Variants in YTHDF1 observed in about 807,000 individuals in gnomAD.
The protein encoded by YTHDF1 is YTH N6-methyladenosine RNA binding protein F1.
A neutral mutation model predicts 49.1 loss-of-function variants in YTHDF1; 16 were observed. The ratio of observed to expected loss-of-function variants is 0.33; its 90% confidence interval spans 0.22 to 0.49. The LOEUF (loss-of-function observed/expected upper bound fraction) is 0.49, where lower values mean the gene tolerates loss of function less well. Ranked by LOEUF, YTHDF1 falls within the 20% of genes least tolerant of loss-of-function variation. The pLI is 0.99. For missense variants in YTHDF1, 621 were observed against 744.3 expected (o/e 0.83, Z 1.93); for synonymous variants, 313 against 290.1 (o/e 1.08, Z -0.80).
chr20:63,214,711 A>C (rs1295400307), intron 2 of YTHDF1, among the ~76,000 whole-genome samples: 2 of 152,226 alleles, frequency 1.3e-5, no homozygotes, highest in East Asian at 3.8e-4. Flanking sequence ...CAATCAGATA[A>C]GCATTTATCT....
chr20:63,211,114 A>ACACCGGAAC (rs11472791), intron 3 of YTHDF1, among the ~76,000 whole-genome samples: 1 of 151,392 alleles, frequency 6.6e-6, no homozygotes, highest in Admixed American at 6.6e-5. Context: ...TTCACACAAA[A>ACACCGGAAC]CACGGTAGCC....
At chr20:63,200,590 T>C (rs1292084791) in intron 4 of YTHDF1, among the ~76,000 whole-genome samples, 3 of 152,146 alleles carry the variant, frequency 2.0e-5, no homozygotes, top group Non-Finnish European at 2.9e-5. Flanking sequence ...GGATCTTGCC[T>C]GCAGGCAGAT....
rs531938190 is a variant in YTHDF1 at position 63,204,542 on chromosome 20, C to A, written c.133-735G>T. 2.6e-5 allele frequency among the ~76,000 whole-genome samples: 4 copies of A among 152,352 alleles called. No homozygotes were observed. The East Asian group carries it at 7.7e-4, about 29-fold the overall frequency. On this transcript the variant is annotated intron_variant, in intron 3 of 4. Coordinates refer to ENST00000370339, the MANE Select transcript of YTHDF1 (RefSeq NM_017798.4). ...CACAGAGGGCCCTGGCTGGCTCCAG[C>A]TCCTCAGCCAAGAGAAAGCATCCGA...
At chr20:63,201,092 A>C (rs2122974235) in intron 4 of YTHDF1, among the ~76,000 whole-genome samples, 1 of 152,282 alleles carries the variant, frequency 6.6e-6, no homozygotes, top group South Asian at 2.1e-4. Flanking sequence ...ACTAATTCAG[A>C]ATTCAGTAAC....
At position 63,202,883 on chromosome 20, in the gene YTHDF1, T is replaced by C; in HGVS notation, c.1057A>G (p.Asn353Asp). 6.2e-7 allele frequency: 1 copy of C among 1,613,916 alleles called. No homozygotes were observed. Among genetic ancestry groups the C allele is most frequent in the Non-Finnish European group, 8.5e-7 (1 of 1,180,038 alleles). ...GAGSDSNSPG[N>D]VQPNSAPSVE... ...CTGGGGGCAGAATTAGGCTGGACGTTTCCAGGAGAGTTGCTATCGCTGCCA... is the reference window on the plus strand; with the variant it reads ...CTGGGGGCAGAATTAGGCTGGACGTCTCCAGGAGAGTTGCTATCGCTGCCA... The change falls in exon 4 of 5, where the codon AAC (asparagine) becomes GAC (aspartate). Residue 353 changes from asparagine to aspartate, a missense_variant. Around this residue, in one of 2 missense-constraint regions of YTHDF1, gnomAD observed 470 missense variants for 495.8 expected, o/e 0.95. Coordinates refer to ENST00000370339, the MANE Select transcript of YTHDF1 (RefSeq NM_017798.4).
chr20:63,205,800 C>T (rs2066543172), intron 3 of YTHDF1, among the ~76,000 whole-genome samples: 1 of 152,184 alleles, frequency 6.6e-6, no homozygotes, highest in African/African-American at 2.4e-5. Context: ...TGAGCCACAG[C>T]GCCTGGCCCC....
chr20:63,202,943 T>C lies in YTHDF1; in HGVS notation c.997A>G (p.Asn333Asp). ...PPQTRWVAPR[N>D]RNAAFGQSGG... is the part of the protein sequence containing the mutation. ...CTCTGCCCAAACGCCGCGTTTCTGT[T>C]GCGTGGGGCAACCCAGCGGGTCTGG... The change falls in exon 4 of 5, where the codon AAC (asparagine) becomes GAC (aspartate). Residue 333 changes from asparagine (N) to aspartate (D), a missense_variant. This residue lies in a region of YTHDF1 where 470 missense variants were observed against 495.8 expected (regional missense o/e 0.95). Coordinates refer to ENST00000370339, the MANE Select transcript of YTHDF1 (RefSeq NM_017798.4). 1 of 1,614,038 alleles carries C rather than the reference T, an allele frequency of 6.2e-7. No individual in the cohort carries two copies. The highest frequency in any genetic ancestry group is 8.5e-7 in the Non-Finnish European group (1 of 1,180,054).
rs767375656 is a variant in YTHDF1, at chr20:63,215,566, A to T, written c.52+11T>A. ...TCCAGCCCGCGCCGGCCGTCCCGGGACTCCGCTCACCTTTATTATCTTGTC... is the reference window on the plus strand; with the variant it reads ...TCCAGCCCGCGCCGGCCGTCCCGGGTCTCCGCTCACCTTTATTATCTTGTC... On this transcript the variant is annotated intron_variant, in intron 2 of 4. Transcript: ENST00000370339. The T allele has an allele frequency of 6.3e-5, 101 of 1,611,364 alleles. No individual in the cohort carries two copies. The South Asian group carries it at 9.6e-4, about 15-fold the overall frequency.
rs1239974342 is a variant in YTHDF1, at chr20:63,196,085, G to GT, written c.*622dup. 1 of 151,638 alleles carries GT rather than the reference G, an allele frequency of 6.6e-6. No individual in the cohort carries two copies. The highest frequency in any genetic ancestry group is 2.4e-5 in the African/African-American group (1 of 41,196). The allele number at this position is 151,638 out of a possible 1,614,324, so 9.4% of individuals were successfully genotyped here. On this transcript the variant is annotated 3_prime_UTR_variant, in exon 5 of 5. Transcript: ENST00000370339. ...CGGACACCAGGACAGTGAGGGACGG[G>GT]TGGCTGTTCAGTGGGCAACAGATCT...
intron 3 of YTHDF1, among the ~76,000 whole-genome samples, chr20:63,212,469 T>C (rs1368034453): frequency 6.6e-6 from 1 of 151,964 alleles, no homozygotes; most frequent in Non-Finnish European, 1.5e-5. Flanking sequence ...CTACTTGGAG[T>C]GGCGGAGGAA....
At position 63,196,625 on chromosome 20, in the gene YTHDF1, G is replaced by T; in HGVS notation, c.*83C>A. ...GCAACACTCAACCCCCGCACGGGAC[G>T]ACACACTGGAGCTGACCAAGCACAC... On this transcript the variant is annotated 3_prime_UTR_variant, in exon 5 of 5. Coordinates refer to ENST00000370339, the MANE Select transcript of YTHDF1 (RefSeq NM_017798.4). The T allele has an allele frequency of 6.4e-7, 1 of 1,551,700 alleles. No individual in the cohort carries two copies. The highest frequency in any genetic ancestry group is 1.1e-5 in the South Asian group (1 of 87,816).
At chr20:63,209,487 C>G (rs545644738) in intron 3 of YTHDF1, among the ~76,000 whole-genome samples, 12 of 151,994 alleles carry the variant, frequency 7.9e-5, no homozygotes, top group Non-Finnish European at 1.3e-4. Context: ...AATGAAGACA[C>G]GGCCAGGCAC....
intron 4 of YTHDF1, among the ~76,000 whole-genome samples, chr20:63,201,316 T>C (rs955303098): frequency 1.3e-5 from 2 of 152,148 alleles, no homozygotes; most frequent in Non-Finnish European, 2.9e-5. Context: ...AATAATTCCT[T>C]TAACATAGAG....
chr20:63,205,999 C>G (rs2066543922), intron 3 of YTHDF1, among the ~76,000 whole-genome samples: 1 of 151,646 alleles, frequency 6.6e-6, no homozygotes. Flanking sequence ...CGGGTGCTGC[C>G]CTGGCCAACA....
At chr20:63,215,253 GC>G (rs1264600857) in intron 2 of YTHDF1, among the ~76,000 whole-genome samples, 1 of 152,204 alleles carries the variant, frequency 6.6e-6, no homozygotes, top group Admixed American at 6.5e-5. Context: ...AGCAGCCCCT[GC>G]TGGGCGGAAA....
At chr20:63,206,530 T>C (rs2066546947) in intron 3 of YTHDF1, among the ~76,000 whole-genome samples, 1 of 152,214 alleles carries the variant, frequency 6.6e-6, no homozygotes, top group South Asian at 2.1e-4. Context: ...TTCTAGCCAG[T>C]ACTCTGCAAA....
At chr20:63,199,414 G>A (rs552640776) in intron 4 of YTHDF1, among the ~76,000 whole-genome samples, 9 of 152,172 alleles carry the variant, frequency 5.9e-5, no homozygotes, top group African/African-American at 2.2e-4. Context: ...AGCTACCCGG[G>A]AGGCTGAGGC....
intron 3 of YTHDF1, among the ~76,000 whole-genome samples, chr20:63,207,763 T>C (rs1324914669): frequency 5.9e-5 from 9 of 152,008 alleles, no homozygotes; most frequent in Non-Finnish European, 1.3e-4. Flanking sequence ...TCCCAGCACT[T>C]TGGGAGGCCG....
intron 3 of YTHDF1, among the ~76,000 whole-genome samples, chr20:63,206,451 C>T (rs1280111582): frequency 6.6e-6 from 1 of 152,238 alleles, no homozygotes; most frequent in Admixed American, 6.5e-5. Context: ...CTAGCACACA[C>T]GCTGCACAGA....
Sources: gnomAD v4.1 joint callset for allele counts (sites outside exome capture counted in the v4.1 genomes callset) on GRCh38, gnomAD v4.1.1 for gene constraint, gnomAD v4.1.1 regional missense constraint, MANE v1.5 for transcripts, NCBI Gene and HGNC (gene_info 2026-07-23, HGNC 2026-07-21) for gene names.